The following ECM2 variants were observed in gnomAD, a reference collection of about 807,000 sequenced individuals.
ECM2 encodes extracellular matrix protein 2, also known as extracellular matrix protein 2, female organ and adipocyte specific.
Under a neutral mutation model 67.5 loss-of-function variants are expected in ECM2, and 57 were observed. That is an observed-to-expected ratio of 0.84 (90% CI 0.68 to 1.05). The LOEUF is 1.05. Among genes scored for constraint, ECM2 ranks in the 50% least tolerant of loss-of-function variants. The pLI is 0.00. For synonymous variants in ECM2, 258 were observed against 294.5 expected (o/e 0.88, Z 1.27); for missense variants, 741 against 822.8 (o/e 0.90, Z 1.22).
chr9:92,512,183 C>T, intron 4 of ECM2, 57 bp from the exon 5 acceptor site: 1 of 1,124,742 alleles, frequency 8.9e-7, no homozygotes, highest in African/African-American at 1.6e-5. Context: ...CATGTACACA[C>T]ATGTATGGGC....
At chr9:92,500,673 C>T (rs1453619765) in intron 9 of ECM2, 54 bp downstream of exon 9, 1 of 1,507,786 alleles carries the variant, frequency 6.6e-7, no homozygotes, top group Non-Finnish European at 9.0e-7. Flanking sequence ...GTTGTTTTAT[C>T]ATATATTTTG....
chr9:92,522,590 A>G lies in ECM2; in HGVS notation c.277T>C (p.Tyr93His), dbSNP rs1563984375. 2 of 1,612,518 alleles carry G rather than the reference A, an allele frequency of 1.2e-6. No individual in the cohort carries two copies. The highest frequency in any genetic ancestry group is 1.7e-6 in the Non-Finnish European group (2 of 1,179,176). ...FSSFPGVESS[Y>H]NVLPGKKGHC... ...GTTCTCTTACCTGGTAACACATTAT[A>G]ACTTGATTCTACTCCAGGAAAACTT... Residue 93 changes from tyrosine (Y) to histidine (H), a missense_variant, in exon 2 of 10, where the codon TAT (tyrosine) becomes CAT (histidine). Coordinates refer to ENST00000344604, the MANE Select transcript of ECM2 (RefSeq NM_001393.4).
the ECM2 span, among the ~76,000 whole-genome samples, chr9:92,549,646 CAAAAA>C: frequency 3.3e-5 from 3 of 90,610 alleles, 1 homozygote; most frequent in East Asian, 5.1e-4. Context: ...GACTCCGTCT[CAAAAA>C]AAAAAAACAA....
chr9:92,494,289 G>A, downstream of ECM2: 1 of 668,134 alleles, frequency 1.5e-6, no homozygotes, highest in Non-Finnish European at 2.4e-6. Flanking sequence ...AGCTTAGATT[G>A]CCTTAAACCA....
the ECM2 span, among the ~76,000 whole-genome samples, chr9:92,541,960 A>G: frequency 6.6e-6 from 1 of 151,964 alleles, no homozygotes; most frequent in Non-Finnish European, 1.5e-5. Flanking sequence ...CACCCAGCTA[A>G]TTTTTGTATT....
intron 8 of ECM2, among the ~76,000 whole-genome samples, 182 bp from the exon 9 acceptor site, chr9:92,501,235 T>C (rs2131153256): frequency 6.6e-6 from 1 of 152,250 alleles, no homozygotes; most frequent in South Asian, 2.1e-4. Context: ...CCAAGCTGCA[T>C]GTCCTTACCA....
chr9:92,507,591 T>C lies in ECM2; in HGVS notation c.1307-1901A>G, dbSNP rs554900440. Among the ~76,000 whole-genome samples, 9 of 152,336 alleles carry C rather than the reference T, an allele frequency of 5.9e-5. No homozygotes were observed. In the East Asian group the frequency reaches 1.5e-3, roughly 26 times the overall value. On this transcript the variant is annotated intron_variant, in intron 6 of 9. Transcript: ENST00000344604. ...TGGACAGGAAACAGGAAGTCTTCCATGGTGGGTGGTACCATGACAGGCTGT... is the reference window on the plus strand; with the variant it reads ...TGGACAGGAAACAGGAAGTCTTCCACGGTGGGTGGTACCATGACAGGCTGT...
At chr9:92,533,826 T>C (rs1209874300) in intron 1 of ECM2, among the ~76,000 whole-genome samples, 4 of 152,166 alleles carry the variant, frequency 2.6e-5, no homozygotes, top group Non-Finnish European at 5.9e-5. Context: ...TAGATATTTG[T>C]CCATTATTTC....
At chr9:92,546,650 C>T in the ECM2 span, among the ~76,000 whole-genome samples, 3 of 152,168 alleles carry the variant, frequency 2.0e-5, no homozygotes, top group Non-Finnish European at 4.4e-5. Context: ...GACACGCTGC[C>T]TTTAAGAACT....
chr9:92,501,623 T>C (rs1415039606), intron 8 of ECM2, among the ~76,000 whole-genome samples: 1 of 152,196 alleles, frequency 6.6e-6, no homozygotes, highest in African/African-American at 2.4e-5. Context: ...CTGGCTTGTT[T>C]CAGGAACCCC....
At chr9:92,549,674 CTA>C in the ECM2 span, among the ~76,000 whole-genome samples, 1 of 150,108 alleles carries the variant, frequency 6.7e-6, no homozygotes, top group African/African-American at 2.4e-5. Flanking sequence ...CAAAACAAAA[CTA>C]GATGACATTC....
chr9:92,557,338 T>C, the ECM2 span, among the ~76,000 whole-genome samples: 8 of 152,182 alleles, frequency 5.3e-5, no homozygotes, highest in African/African-American at 1.9e-4. Flanking sequence ...CAGGTGTTCT[T>C]TGTGCTTCTT....
intron 8 of ECM2, among the ~76,000 whole-genome samples, chr9:92,501,441 G>C (rs1012303657): frequency 1.3e-5 from 2 of 152,180 alleles, no homozygotes; most frequent in African/African-American, 4.8e-5. Flanking sequence ...AGTTGTCTCT[G>C]GTTCCAGCAA....
At chr9:92,547,959 T>C in the ECM2 span, among the ~76,000 whole-genome samples, 38 of 152,244 alleles carry the variant, frequency 2.5e-4, 1 homozygote, top group African/African-American at 8.4e-4. Context: ...CATTTTCTTA[T>C]GGGAAAAAAG....
chr9:92,533,317 AAAAAAAAAAAAATAT>A (rs1343741673), intron 1 of ECM2, among the ~76,000 whole-genome samples: 8 of 104,788 alleles, frequency 7.6e-5, no homozygotes, highest in Non-Finnish European at 1.3e-4. Context: ...AAAAAAAAAA[AAAAAAAAAAAAATAT>A]ATATATATAT....
chr9:92,496,572 G>A (rs1291073633), intron 9 of ECM2, 89 bp from the exon 10 acceptor site: 3 of 1,511,908 alleles, frequency 2.0e-6, no homozygotes, highest in Admixed American at 4.8e-5. Flanking sequence ...AAAAAATTTT[G>A]TTCTTAAAAT....
upstream of ECM2, chr9:92,535,995 CAAAATCAGAGCTTTCTTT>C: frequency 3.9e-6 from 2 of 512,310 alleles, no homozygotes; most frequent in South Asian, 2.9e-5. Flanking sequence ...GAAAATGAAA[CAAAATCAGAGCTTTCTTT>C]AAAAACAAAG....
At chr9:92,506,812 G>T (rs1241405708) in intron 6 of ECM2, among the ~76,000 whole-genome samples, 1 of 152,212 alleles carries the variant, frequency 6.6e-6, no homozygotes, top group African/African-American at 2.4e-5. Context: ...CTCAGGGAGA[G>T]AGGAGACTAG....
At chr9:92,499,592 C>T (rs576354526) in intron 9 of ECM2, among the ~76,000 whole-genome samples, 5 of 152,176 alleles carry the variant, frequency 3.3e-5, no homozygotes, top group Middle Eastern at 3.2e-3. Context: ...AAACATTAGA[C>T]GCCTTCTGAT....
Sources: allele counts gnomAD v4.1 joint callset (sites outside exome capture counted in the v4.1 genomes callset), GRCh38; gene constraint gnomAD v4.1.1; transcripts MANE v1.5; gene names NCBI Gene and HGNC (gene_info 2026-07-23, HGNC 2026-07-21).